Variants in SPTLC2 observed in about 807,000 individuals in gnomAD.
SPTLC2 encodes serine palmitoyltransferase long chain base subunit 2.
A neutral mutation model predicts 62.0 loss-of-function variants in SPTLC2; 21 were observed. The observed-to-expected ratio is 0.34, with a 90% confidence interval of 0.24 to 0.49. The LOEUF is 0.49. Among genes scored for constraint, SPTLC2 ranks in the 20% least tolerant of loss-of-function variants. The pLI is 0.99. For synonymous variants in SPTLC2, 261 were observed against 261.8 expected, an observed-to-expected ratio of 1.00 and a Z score of 0.03; for missense variants, 511 against 713.0, an observed-to-expected ratio of 0.72 and a Z score of 3.23.
intron 9 of SPTLC2, among the ~76,000 whole-genome samples, chr14:77,522,984 T>G (rs955875528): frequency 6.6e-6 from 1 of 152,204 alleles, no homozygotes; most frequent in African/African-American, 2.4e-5. Context: ...ACTCTTTATG[T>G]AGATAATTTC....
intron 2 of SPTLC2, among the ~76,000 whole-genome samples, chr14:77,581,898 T>G (rs1219171449): frequency 6.6e-6 from 1 of 152,192 alleles, no homozygotes; most frequent in Non-Finnish European, 1.5e-5. Context: ...TAAAACTTTT[T>G]ATTTGGCTGT....
chr14:77,532,628 CA>C (rs1483347310), intron 9 of SPTLC2, among the ~76,000 whole-genome samples: 26 of 151,816 alleles, frequency 1.7e-4, no homozygotes, highest in South Asian at 1.0e-3. Context: ...GCTAAAAATA[CA>C]AAAAATTAGC....
intron 1 of SPTLC2, among the ~76,000 whole-genome samples, chr14:77,614,618 C>T (rs565162181): frequency 2.7e-5 from 4 of 150,796 alleles, no homozygotes; most frequent in Non-Finnish European, 5.9e-5. Context: ...GAGCCGAGAT[C>T]GCGCCACTGC....
chr14:77,612,442 A>C (rs1008260693), intron 1 of SPTLC2, among the ~76,000 whole-genome samples: 1 of 152,242 alleles, frequency 6.6e-6, no homozygotes, highest in Non-Finnish European at 1.5e-5. Flanking sequence ...CTTCAGATGC[A>C]GCTATGTAAG....
At chr14:77,587,917 G>T (rs888745099) in intron 2 of SPTLC2, among the ~76,000 whole-genome samples, 1 of 148,290 alleles carries the variant, frequency 6.7e-6, no homozygotes, top group South Asian at 2.2e-4. Flanking sequence ...ATTTTTATTT[G>T]GGCAACATTT....
rs2079319482 is a variant in SPTLC2, at chr14:77,509,055, T to C, written c.*3229A>G. 6.6e-6 allele frequency: 1 copy of C among 152,220 alleles called. No individual in the cohort carries two copies. The allele number at this position is 152,220 out of a possible 1,614,324, so 9.4% of individuals were successfully genotyped here. Reference sequence around the variant, plus strand: ...ACAAACATAGAGCCCTTAGTGGTTGTGTAGGATGCTTCTGTTCACCTTGAT... The same window carrying C: ...ACAAACATAGAGCCCTTAGTGGTTGCGTAGGATGCTTCTGTTCACCTTGAT... On this transcript the variant is annotated 3_prime_UTR_variant, in exon 12 of 12. Transcript: ENST00000216484.
At chr14:77,523,879 A>G (rs772970659) in intron 9 of SPTLC2, among the ~76,000 whole-genome samples, 1 of 152,236 alleles carries the variant, frequency 6.6e-6, no homozygotes, top group Non-Finnish European at 1.5e-5. Flanking sequence ...TATAGAAACT[A>G]GCAATGTAAA....
At chr14:77,570,293 G>C in intron 5 of SPTLC2, 91 bp downstream of exon 5, 6 of 1,488,852 alleles carry the variant, frequency 4.0e-6, no homozygotes, top group Non-Finnish European at 5.5e-6. Flanking sequence ...TTAGCCTAAA[G>C]TTTATAACAG....
chr14:77,579,522 G>A (rs1317110168), intron 2 of SPTLC2, among the ~76,000 whole-genome samples: 1 of 152,174 alleles, frequency 6.6e-6, no homozygotes, highest in Non-Finnish European at 1.5e-5. Context: ...GCCAATGCAG[G>A]AGGACTGCTT....
chr14:77,583,199 C>CAATAAATA (rs58888587), intron 2 of SPTLC2, among the ~76,000 whole-genome samples: 24,390 of 132,256 alleles, frequency 0.18, 2,449 homozygotes, highest in East Asian at 0.36. Context: ...AAAGCTGTCT[C>CAATAAATA]AATAAATAAA....
intron 5 of SPTLC2, among the ~76,000 whole-genome samples, chr14:77,568,033 G>A (rs2079655940): frequency 6.6e-6 from 1 of 151,972 alleles, no homozygotes; most frequent in African/African-American, 2.4e-5. Flanking sequence ...AAATATTTAC[G>A]AGTTTGAAAC....
At chr14:77,541,127 C>A (rs1554956) in intron 9 of SPTLC2, among the ~76,000 whole-genome samples, 34,902 of 152,028 alleles carry the variant, frequency 0.23, 4,788 homozygotes, top group East Asian at 0.56. Context: ...CTGCCAGGCT[C>A]AAGTGATCCT....
chr14:77,533,589 G>A (rs536626178), intron 9 of SPTLC2, among the ~76,000 whole-genome samples: 29 of 152,312 alleles, frequency 1.9e-4, no homozygotes, highest in Admixed American at 9.8e-4. Context: ...CAGGGCTTAC[G>A]ATGTTCCAGA....
chr14:77,553,566 C>G (rs2079566568), intron 8 of SPTLC2, among the ~76,000 whole-genome samples: 1 of 151,868 alleles, frequency 6.6e-6, no homozygotes, highest in South Asian at 2.1e-4. Context: ...CCTGTCTCTA[C>G]TAAAAATACA....
chr14:77,593,864 C>T (rs1430133644), intron 2 of SPTLC2, among the ~76,000 whole-genome samples: 1 of 152,168 alleles, frequency 6.6e-6, no homozygotes, highest in African/African-American at 2.4e-5. Flanking sequence ...CTCCCTCTTT[C>T]CCCATCTCTA....
chr14:77,591,733 T>TGTATGTATGTATTTATTTAC (rs71128652), intron 2 of SPTLC2, among the ~76,000 whole-genome samples: 1 of 151,806 alleles, frequency 6.6e-6, no homozygotes, highest in Admixed American at 6.6e-5. Context: ...TATGTATGTA[T>TGTATGTATGTATTTATTTAC]TTATTTTTAG....
intron 9 of SPTLC2, among the ~76,000 whole-genome samples, chr14:77,536,163 T>C (rs2079469100): frequency 6.6e-6 from 1 of 152,182 alleles, no homozygotes. Flanking sequence ...AAACTTGAAC[T>C]AGAATATTAA....
chr14:77,610,681 T>C (rs1282834830), intron 1 of SPTLC2, among the ~76,000 whole-genome samples: 1 of 152,062 alleles, frequency 6.6e-6, no homozygotes, highest in African/African-American at 2.4e-5. Flanking sequence ...CAAAATAGTC[T>C]GCTACAGTGG....
rs1294205366 is a variant in SPTLC2 at position 77,562,450 on chromosome 14, G to T, written c.796C>A (p.Leu266Met). 1 of 1,614,164 alleles carries T rather than the reference G, an allele frequency of 6.2e-7. No homozygotes were observed. The highest frequency in any genetic ancestry group is 1.1e-5 in the South Asian group (1 of 91,090). Residue 266 changes from leucine to methionine, a missense_variant, in exon 6 of 12, where the codon CTG (leucine) becomes ATG (methionine). Leu to Met is a conservative substitution (Grantham distance 15). Coordinates refer to ENST00000216484, the MANE Select transcript of SPTLC2 (RefSeq NM_004863.4). The stretch of plus-strand genomic sequence containing the variant: ...CCTGACAGTCTGGCTCCCAGAACCA[G>T]TGATGCATGATTCAGTTCATCACTC... ...ILSDELNHAS[L>M]VLGARLSGAT... is the part of the protein sequence containing the mutation.
Sources: gnomAD v4.1 joint callset for allele counts (sites outside exome capture counted in the v4.1 genomes callset) on GRCh38, gnomAD v4.1.1 for gene constraint, MANE v1.5 for transcripts, NCBI Gene and HGNC (gene_info 2026-07-23, HGNC 2026-07-21) for gene names.